SFMBT2: variants seen among roughly 807,000 people sequenced by gnomAD.
The protein encoded by SFMBT2 is Scm like with four mbt domains 2.
Under a neutral mutation model 110.1 loss-of-function variants are expected in SFMBT2, and 38 were observed. That is an observed-to-expected ratio of 0.35 (90% CI 0.27 to 0.45). The LOEUF (loss-of-function observed/expected upper bound fraction) is 0.45, where lower values mean the gene tolerates loss of function less well. Ranked by LOEUF, SFMBT2 falls within the 20% of genes least tolerant of loss-of-function variation. The probability of loss-of-function intolerance (pLI) is 1.00; values close to 1 mark genes in which losing one functional copy is unlikely to be tolerated. For synonymous variants in SFMBT2, 425 were observed against 425.4 expected (o/e 1.00, Z 0.01); for missense variants, 1,011 against 1,094.9 (o/e 0.92, Z 1.08).
chr10:7,249,648 C>G, intron 7 of SFMBT2: 1 of 663,656 alleles, frequency 1.5e-6, no homozygotes, highest in Non-Finnish European at 1.9e-6. Flanking sequence ...ACTCTATATC[C>G]AACTCTGAGG....
rs1424120941 is a variant in SFMBT2 at position 7,248,649 on chromosome 10, C to G, written c.871G>C (p.Asp291His). 1 of 1,613,902 alleles carries G rather than the reference C, an allele frequency of 6.2e-7. No individual in the cohort carries two copies. Among genetic ancestry groups the G allele is most frequent in the Non-Finnish European group, 8.5e-7 (1 of 1,179,814 alleles). ...KFPLPMEVFK[D>H]HADLRSHFFT... ...AAATGGCTTCGCAAATCTGCGTGATCCTGCAGGGAGAAAGATGAAAATATT... is the reference window on the plus strand; with the variant it reads ...AAATGGCTTCGCAAATCTGCGTGATGCTGCAGGGAGAAAGATGAAAATATT... The change falls in exon 8 of 21, where the codon GAT (aspartate) becomes CAT (histidine). Residue 291 changes from aspartate to histidine, a missense_variant and splice_region_variant. Physicochemically the swap from Asp to His is moderately conservative, Grantham distance 81. Transcript: ENST00000397167.
intron 7 of SFMBT2, among the ~76,000 whole-genome samples, chr10:7,268,340 C>A (rs563445855): frequency 2.0e-5 from 3 of 152,190 alleles, no homozygotes; most frequent in African/African-American, 7.2e-5. Flanking sequence ...CAGAAACAAA[C>A]TGACAGAAAC....
chr10:7,228,728 T>C (rs201770713), intron 9 of SFMBT2, among the ~76,000 whole-genome samples: 1 of 84,036 alleles, frequency 1.2e-5, no homozygotes. Context: ...TCTTTCTTTC[T>C]TTCTTTCCTT....
chr10:7,346,530 G>A (rs1844117406), intron 4 of SFMBT2, among the ~76,000 whole-genome samples: 1 of 150,628 alleles, frequency 6.6e-6, no homozygotes, highest in Non-Finnish European at 1.5e-5. Context: ...CAAAGATCAC[G>A]TGTTAAAAAT....
At chr10:7,272,490 A>G (rs1351816583) in intron 7 of SFMBT2, among the ~76,000 whole-genome samples, 1 of 152,134 alleles carries the variant, frequency 6.6e-6, no homozygotes, top group Non-Finnish European at 1.5e-5. Context: ...GGAGCTTAAG[A>G]TATAAGCATG....
chr10:7,164,112 C>T, intron 20 of SFMBT2: 2 of 985,372 alleles, frequency 2.0e-6, no homozygotes, highest in South Asian at 9.4e-5. Context: ...TGTAGCCGGG[C>T]ACAGTGGCTC....
At chr10:7,191,393 GTCTT>G (rs2131582392) in intron 15 of SFMBT2, among the ~76,000 whole-genome samples, 1 of 152,294 alleles carries the variant, frequency 6.6e-6, no homozygotes, top group South Asian at 2.1e-4. Context: ...GGGCTTCCCT[GTCTT>G]CCACCTCACG....
intron 8 of SFMBT2, among the ~76,000 whole-genome samples, chr10:7,247,880 A>T (rs890825762): frequency 4.6e-5 from 7 of 152,086 alleles, no homozygotes; most frequent in African/African-American, 7.2e-5. Flanking sequence ...GGTTTTTAAA[A>T]TTTTTTTATT....
intron 4 of SFMBT2, chr10:7,348,350 A>G: frequency 1.3e-6 from 2 of 1,517,388 alleles, no homozygotes; most frequent in Non-Finnish European, 1.8e-6. Flanking sequence ...AAAAATAATC[A>G]CAGATGGTTT....
At chr10:7,241,762 T>C (rs1000446919) in intron 9 of SFMBT2, among the ~76,000 whole-genome samples, 1 of 152,228 alleles carries the variant, frequency 6.6e-6, no homozygotes, top group Non-Finnish European at 1.5e-5. Flanking sequence ...ATGTCAATGA[T>C]CTTTTTATGT....
intron 11 of SFMBT2, chr10:7,206,133 TA>T (rs1316340904): frequency 2.0e-6 from 2 of 985,140 alleles, no homozygotes; most frequent in East Asian, 2.3e-4. Context: ...CCTTGAAATA[TA>T]AAAAGGCAGG....
At chr10:7,223,064 T>C (rs1839796994) in intron 10 of SFMBT2, among the ~76,000 whole-genome samples, 1 of 152,162 alleles carries the variant, frequency 6.6e-6, no homozygotes, top group Non-Finnish European at 1.5e-5. Flanking sequence ...GACACTCACA[T>C]GCTGAGGTAT....
At chr10:7,233,628 C>A (rs886563754) in intron 9 of SFMBT2, among the ~76,000 whole-genome samples, 1 of 152,200 alleles carries the variant, frequency 6.6e-6, no homozygotes, top group Non-Finnish European at 1.5e-5. Flanking sequence ...GCAACAGAAC[C>A]TAAGTTCTAA....
At chr10:7,265,599 A>G (rs4748797) in intron 7 of SFMBT2, among the ~76,000 whole-genome samples, 113,802 of 152,136 alleles carry the variant, frequency 0.75, 42,962 homozygotes, top group East Asian at 0.92. Context: ...TTAGCAAAGA[A>G]CTGAGCTGGG....
At chr10:7,197,126 C>T (rs566491526) in intron 15 of SFMBT2, among the ~76,000 whole-genome samples, 7 of 152,084 alleles carry the variant, frequency 4.6e-5, no homozygotes, top group African/African-American at 1.7e-4. Flanking sequence ...CACCATGACC[C>T]GGCCAAGGAG....
intron 12 of SFMBT2, 40 bp from the exon 13 acceptor site, chr10:7,202,562 T>C (rs1332361230): frequency 4.3e-6 from 7 of 1,614,126 alleles, no homozygotes; most frequent in Non-Finnish European, 5.9e-6. Flanking sequence ...ATCAGCTTTG[T>C]TAGTGGGGCA....
intron 1 of SFMBT2, among the ~76,000 whole-genome samples, chr10:7,387,710 C>T (rs1323656310): frequency 1.3e-5 from 2 of 150,616 alleles, no homozygotes; most frequent in African/African-American, 2.4e-5. Flanking sequence ...GCGGGCAGAT[C>T]ACTTGAGGCC....
chr10:7,205,977 A>G, intron 11 of SFMBT2, 49 bp from the exon 12 acceptor site: 1 of 1,605,780 alleles, frequency 6.2e-7, no homozygotes, highest in Non-Finnish European at 8.5e-7. Context: ...TCTTACCAAC[A>G]AAGAAATAGA....
chr10:7,213,574 G>A (rs1290547328), intron 11 of SFMBT2, among the ~76,000 whole-genome samples: 2 of 152,238 alleles, frequency 1.3e-5, no homozygotes, highest in East Asian at 1.9e-4. Flanking sequence ...GGACGTTCAC[G>A]GAGAAGAGCA....
Sources: allele counts gnomAD v4.1 joint callset (sites outside exome capture counted in the v4.1 genomes callset), GRCh38; gene constraint gnomAD v4.1.1; transcripts MANE v1.5; gene names NCBI Gene and HGNC (gene_info 2026-07-23, HGNC 2026-07-21).